HDDC2: variants seen among roughly 807,000 people sequenced by gnomAD.
HDDC2 encodes 5'-deoxynucleotidase HDDC2.
In HDDC2, 25 loss-of-function variants were observed where a neutral mutation model predicts 25.5. That is an observed-to-expected ratio of 0.98 (90% CI 0.72 to 1.37). The LOEUF is 1.37. Among genes scored for constraint, HDDC2 ranks in the 40% most tolerant of loss-of-function variants. The pLI is 0.00. For missense variants in HDDC2, 264 were observed against 253.1 expected (o/e 1.04, Z -0.29); for synonymous variants, 106 against 89.7 (o/e 1.18, Z -1.03).
intron 4 of HDDC2, among the ~76,000 whole-genome samples, chr6:125,286,789 ACC>A (rs1562440942): frequency 6.6e-6 from 1 of 152,088 alleles, no homozygotes; most frequent in African/African-American, 2.4e-5. Context: ...AAGCATATTT[ACC>A]CCCCTTTTCC....
Position 125,292,888 on chromosome 6 carries a change from G to C in HDDC2, c.331C>G (p.Gln111Glu), listed in dbSNP as rs777894634. Residue 111 changes from glutamine to glutamate, a missense_variant, in exon 4 of 6, where the codon CAG becomes GAG. Transcript: ENST00000398153. ...TTTCTGAGGTCCTCTGGTAGGAGCT[G>C]GGTTATCTGCTTCATAGCTTCCTGA... is the stretch of plus-strand genomic sequence containing the variant. ...REEEAMKQIT[Q>E]LLPEDLRKEL... The C allele has an allele frequency of 1.2e-6, 2 of 1,612,654 alleles. No homozygotes were observed. The highest frequency in any genetic ancestry group is 1.7e-5 in the Admixed American group (1 of 60,022).
In HDDC2 at chr6:125,280,342, AT is replaced by A. The variant is rs200899458; in HGVS notation, c.379-3103del. ...TTGGGCAGACACCGAGCTAGCTACAATTTTTTTTTTCATACCCCAGTGGAAC... is the reference window on the plus strand; with the variant it reads ...TTGGGCAGACACCGAGCTAGCTACAATTTTTTTTTCATACCCCAGTGGAAC... On this transcript the variant is annotated intron_variant, in intron 4 of 5. Coordinates refer to ENST00000398153, the MANE Select transcript of HDDC2 (RefSeq NM_016063.3). Among the ~76,000 whole-genome samples, 116 of 150,938 alleles carry A rather than the reference AT, an allele frequency of 7.7e-4. 1 individual carries two copies. The highest frequency in any genetic ancestry group is 1.6e-4 in the Non-Finnish European group (11 of 67,578).
At chr6:125,285,051 A>G (rs1366796100) in intron 4 of HDDC2, among the ~76,000 whole-genome samples, 1 of 152,068 alleles carries the variant, frequency 6.6e-6, no homozygotes, top group Non-Finnish European at 1.5e-5. Context: ...ATTCTCAGCA[A>G]ACTAACACAG....
chr6:125,298,757 G>A lies in HDDC2; in HGVS notation c.266C>T (p.Pro89Leu), dbSNP rs1277934856. Reference sequence around the variant, plus strand: ...TTCTTCTTTGGGGATGTTATCTGCTGGTGCTATGTCCCCAACGATGCATTC... The same window carrying A: ...TTCTTCTTTGGGGATGTTATCTGCTAGTGCTATGTCCCCAACGATGCATTC... ...MAECIVGDIA[P>L]ADNIPKEEKH... The change falls in exon 3 of 6, where the codon CCA (proline) becomes CTA (leucine). Residue 89 changes from proline (P) to leucine (L), a missense_variant. Coordinates refer to ENST00000398153, the MANE Select transcript of HDDC2 (RefSeq NM_016063.3). The A allele has an allele frequency of 6.2e-7, 1 of 1,614,088 alleles. No homozygotes were observed. Among genetic ancestry groups the A allele is most frequent in the Admixed American group, 1.7e-5 (1 of 60,024 alleles).
chr6:125,285,514 TAA>T (rs1798520310), intron 4 of HDDC2, among the ~76,000 whole-genome samples: 1 of 151,760 alleles, frequency 6.6e-6, no homozygotes, highest in Non-Finnish European at 1.5e-5. Context: ...GAAGATGATA[TAA>T]AGAGTTTGAG....
intron 4 of HDDC2, 52 bp from the exon 5 acceptor site, chr6:125,277,292 T>A (rs748123187): frequency 2.5e-6 from 4 of 1,577,012 alleles, no homozygotes; most frequent in South Asian, 2.3e-5. Flanking sequence ...TAATAGGGTA[T>A]CCTGGGAAAA....
rs565094558 is a variant in HDDC2 at position 125,276,516 on chromosome 6, C to T, written c.518-273G>A. The T allele has an allele frequency of 1.4e-5, 6 of 426,806 alleles. No individual in the cohort carries two copies. The South Asian group carries it at 2.0e-4, about 14-fold the overall frequency. 26.4% of individuals were successfully genotyped at this position (426,806 alleles called of 1,614,324 possible). A position where few individuals can be genotyped will look rare whatever the true frequency, so the allele number is the denominator to read the frequency against. On this transcript the variant is annotated intron_variant, in intron 5 of 5. Transcript: ENST00000398153. ...CAGAGGTAGGGGAAACTTCACCAGG[C>T]TCCTCAGTGCCTCTACCAGGAACTA... is the stretch of plus-strand genomic sequence containing the variant.
chr6:125,300,166 A>T (rs1458657878), intron 2 of HDDC2: 1 of 168,060 alleles, frequency 6.0e-6, no homozygotes, highest in South Asian at 1.8e-4. Flanking sequence ...TCTTGCACAC[A>T]CAACTCCAAA....
rs374732612 is a variant in HDDC2 at position 125,282,214 on chromosome 6, C to T, written c.379-4974G>A. ...TACAAAAATTAGGCAGGCATGGTGGCGGGCGCCTATAGTCTCAGCTACTCG... is the reference window on the plus strand; with the variant it reads ...TACAAAAATTAGGCAGGCATGGTGGTGGGCGCCTATAGTCTCAGCTACTCG... On this transcript the variant is annotated intron_variant, in intron 4 of 5. Coordinates refer to ENST00000398153, the MANE Select transcript of HDDC2 (RefSeq NM_016063.3). Among the ~76,000 whole-genome samples, 450 of 151,906 alleles carry T rather than the reference C, an allele frequency of 3.0e-3. 1 individual carries two copies. Among genetic ancestry groups the T allele is most frequent in the African/African-American group, 0.01 (429 of 41,396 alleles).
chr6:125,281,186 A>G (rs1252788246), intron 4 of HDDC2, among the ~76,000 whole-genome samples: 1 of 152,216 alleles, frequency 6.6e-6, no homozygotes, highest in Non-Finnish European at 1.5e-5. Flanking sequence ...CAACCACACA[A>G]AAACTCCATC....
chr6:125,286,716 G>A (rs1396043493), intron 4 of HDDC2, among the ~76,000 whole-genome samples: 2 of 152,122 alleles, frequency 1.3e-5, no homozygotes, highest in Non-Finnish European at 2.9e-5. Context: ...AAACAAAACA[G>A]GAGGTCAGGG....
At position 125,298,721 on chromosome 6, in the gene HDDC2, C is replaced by T. The variant is rs746650208; in HGVS notation, c.302G>A (p.Arg101Gln). Residue 101 changes from arginine (R) to glutamine (Q), a missense_variant, in exon 3 of 6, where the codon CGA becomes CAA. By Grantham distance (43) the Arg-to-Gln change is conservative. Transcript: ENST00000398153. ...TCAATAGTCAACACTGACCTCTTCTCGCCTATGTTTTTCTTCTTTGGGGAT... is the reference window on the plus strand; with the variant it reads ...TCAATAGTCAACACTGACCTCTTCTTGCCTATGTTTTTCTTCTTTGGGGAT... The part of the protein sequence containing the change: ...DNIPKEEKHR[R>Q]EEEAMKQITQ... 11 of 1,612,954 alleles carry T rather than the reference C, an allele frequency of 6.8e-6. No individual in the cohort carries two copies. The highest frequency in any genetic ancestry group is 1.6e-4 in the Middle Eastern group (1 of 6,080).
chr6:125,287,910 C>T lies in HDDC2; in HGVS notation c.378+4931G>A, dbSNP rs3778452. Among the ~76,000 whole-genome samples the T allele has an allele frequency of 5.2e-3, 798 of 152,280 alleles. 22 individuals carry two copies. The East Asian group carries it at 0.082, about 16-fold the overall frequency. ...CAGCACACAGGCAGAGCGGGGTTGC[C>T]GGATCCAGCCACACCCACACGAAGG... On this transcript the variant is annotated intron_variant, in intron 4 of 5. Coordinates refer to ENST00000398153, the MANE Select transcript of HDDC2 (RefSeq NM_016063.3).
chr6:125,283,851 T>C (rs1367069836), intron 4 of HDDC2, among the ~76,000 whole-genome samples: 3 of 152,184 alleles, frequency 2.0e-5, no homozygotes, highest in Non-Finnish European at 2.9e-5. Flanking sequence ...AGAGCCCACA[T>C]AGCCAACACA....
chr6:125,292,962 A>C (rs1218030221), intron 3 of HDDC2, 53 bp from the exon 4 acceptor site: 11 of 1,370,828 alleles, frequency 8.0e-6, no homozygotes, highest in East Asian at 2.3e-5. Context: ...CACAGTTAAC[A>C]ACCACTCTGC....
chr6:125,281,669 G>T (rs11753670), intron 4 of HDDC2, among the ~76,000 whole-genome samples: 1 of 152,082 alleles, frequency 6.6e-6, no homozygotes, highest in Admixed American at 6.5e-5. Context: ...GAATGAAAAA[G>T]AACGAACAAA....
Position 125,276,029 on chromosome 6 carries a change from A to G in HDDC2, c.*117T>C. ...CACATTTCTTGCTGAAGTTCAGACA[A>G]TTGAAAACAAACAGACTCACATCTA... On this transcript the variant is annotated 3_prime_UTR_variant, in exon 6 of 6. Transcript: ENST00000398153. 1.3e-6 allele frequency: 1 copy of G among 754,946 alleles called. No homozygotes were observed. Among genetic ancestry groups the G allele is most frequent in the Non-Finnish European group, 2.3e-6 (1 of 443,842 alleles). 46.8% of individuals were successfully genotyped at this position (754,946 alleles called of 1,614,324 possible).
Position 125,300,669 on chromosome 6 carries a change from A to G in HDDC2, c.85-10T>C. On this transcript the variant is annotated splice_polypyrimidine_tract_variant and intron_variant, in intron 1 of 5. Transcript: ENST00000398153. Reference sequence around the variant, plus strand: ...CAGTTCGTGGGACTCTCTGATAAATATGAAGAAGAAAAAGAAGTTTTAAAG... The same window carrying G: ...CAGTTCGTGGGACTCTCTGATAAATGTGAAGAAGAAAAAGAAGTTTTAAAG... 1 of 1,608,454 alleles carries G rather than the reference A, an allele frequency of 6.2e-7. No individual in the cohort carries two copies. Among genetic ancestry groups the G allele is most frequent in the Non-Finnish European group, 8.5e-7 (1 of 1,178,460 alleles).
Position 125,292,844 on chromosome 6 carries a change from C to G in HDDC2, c.375G>C (p.Trp125Cys). 1 of 1,610,802 alleles carries G rather than the reference C, an allele frequency of 6.2e-7. No individual in the cohort carries two copies. The highest frequency in any genetic ancestry group is 1.3e-5 in the African/African-American group (1 of 74,926). Residue 125 changes from tryptophan (W) to cysteine (C), a missense_variant, in exon 4 of 6, where the codon TGG becomes TGC. Transcript: ENST00000398153. Reference sequence around the variant, plus strand: ...GTAACGTACCATATATACTTACTTCCCAAAGTTCATAGAGCTCCTTTCTGA... The same window carrying G: ...GTAACGTACCATATATACTTACTTCGCAAAGTTCATAGAGCTCCTTTCTGA... ...EDLRKELYELWEEYETQSSAE... is the reference protein window; with the variant it reads ...EDLRKELYELCEEYETQSSAE...
Sources: gnomAD v4.1 joint callset for allele counts (sites outside exome capture counted in the v4.1 genomes callset) on GRCh38, gnomAD v4.1.1 for gene constraint, MANE v1.5 for transcripts, NCBI Gene and HGNC (gene_info 2026-07-23, HGNC 2026-07-21) for gene names.